RBM42: variants seen among roughly 807,000 people sequenced by gnomAD.
RBM42 encodes the protein RNA binding motif protein 42.
A neutral mutation model predicts 41.4 loss-of-function variants in RBM42; 21 were observed. The observed-to-expected ratio is 0.51, with a 90% confidence interval of 0.36 to 0.73. The LOEUF is 0.73. Among genes scored for constraint, RBM42 ranks in the 30% least tolerant of loss-of-function variants. The pLI is 0.00. For synonymous variants in RBM42, 272 were observed against 271.2 expected (o/e 1.00, Z -0.03); for missense variants, 539 against 680.4 (o/e 0.79, Z 2.31).
rs377549426 is a variant in RBM42 at position 35,634,194 on chromosome 19, A to G, written c.1018-62A>G. Reference sequence around the variant, plus strand: ...TACTGTGGTGGCAGGAGGGCCGGGGACCAAAGGACAGTGGGAGACCCCAAT... The same window carrying G: ...TACTGTGGTGGCAGGAGGGCCGGGGGCCAAAGGACAGTGGGAGACCCCAAT... On this transcript the variant is annotated intron_variant, in intron 7 of 9. Transcript: ENST00000262633. The G allele has an allele frequency of 2.1e-3, 3,353 of 1,583,724 alleles. 39 individuals are homozygous for G. The highest frequency in any genetic ancestry group is 0.016 in the South Asian group (1,459 of 89,036).
intron 2 of RBM42, among the ~76,000 whole-genome samples, chr19:35,629,887 C>A (rs1967375090): frequency 6.6e-6 from 1 of 152,310 alleles, no homozygotes; most frequent in South Asian, 2.1e-4. Flanking sequence ...GTAGAGCTTT[C>A]TGCAATGACG....
At chr19:35,629,963 G>T (rs1967376204) in intron 2 of RBM42, among the ~76,000 whole-genome samples, 1 of 152,186 alleles carries the variant, frequency 6.6e-6, no homozygotes, top group Admixed American at 6.5e-5. Flanking sequence ...CACATTTCAA[G>T]TGCTCAGTAG....
At position 35,633,401 on chromosome 19, in the gene RBM42, C is replaced by T. The variant is rs1417164002; in HGVS notation, c.684+149C>T. The stretch of plus-strand genomic sequence containing the variant: ...CTGCCTTTGTCTCTGTCTCTTTCTG[C>T]ATCTTTCTGTGGCAAAATCTGTTCT... On this transcript the variant is annotated intron_variant, in intron 6 of 9. Transcript: ENST00000262633. The T allele has an allele frequency of 1.3e-5, 10 of 748,464 alleles. No individual in the cohort carries two copies. The Admixed American group carries it at 2.7e-4, about 20-fold the overall frequency. The allele number at this position is 748,464 out of a possible 1,614,324, so 46.4% of individuals were successfully genotyped here. A position where few individuals can be genotyped will look rare whatever the true frequency, so the allele number is the denominator to read the frequency against.
chr19:35,636,786 G>A (rs1379729268), intron 8 of RBM42, among the ~76,000 whole-genome samples: 1 of 152,178 alleles, frequency 6.6e-6, no homozygotes, highest in African/African-American at 2.4e-5. Flanking sequence ...CAGAGTTAAG[G>A]GTGTTACTAC....
Position 35,629,646 on chromosome 19 carries a change from A to T in RBM42, c.255A>T (p.Pro85=). The T allele has an allele frequency of 8.7e-6, 14 of 1,614,198 alleles. No individual in the cohort carries two copies. Among genetic ancestry groups the T allele is most frequent in the Non-Finnish European group, 1.2e-5 (14 of 1,180,034 alleles). The change falls in exon 2 of 10, where the codon CCA becomes CCT. Residue 85 remains proline, a synonymous_variant. Transcript: ENST00000262633. ...MQVPAAPVIR[P]IIATNTYQQV... ...TCCCAGCGGCTCCTGTGATCCGCCCAATTATCGCGACCAACACATACCAGC... is the reference window on the plus strand; with the variant it reads ...TCCCAGCGGCTCCTGTGATCCGCCCTATTATCGCGACCAACACATACCAGC...
intron 2 of RBM42, 150 bp from the exon 3 acceptor site, chr19:35,630,990 C>T: frequency 1.5e-6 from 1 of 679,176 alleles, no homozygotes; most frequent in Non-Finnish European, 2.6e-6. Flanking sequence ...TCCAAAAAGC[C>T]TCCCCGAGAA....
Position 35,637,475 on chromosome 19 carries a change from G to C in RBM42, c.1364G>C (p.Arg455Pro). 6.2e-7 allele frequency: 1 copy of C among 1,614,230 alleles called. No homozygotes were observed. The highest frequency in any genetic ancestry group is 8.5e-7 in the Non-Finnish European group (1 of 1,180,042). ...KYVGSRPIKL[R>P]KSMWKDRNLD... ...GTGGGCTCGCGCCCCATCAAGCTTC[G>C]CAAGAGCATGTGGAAGGACCGGAAT... is the stretch of plus-strand genomic sequence containing the variant. Residue 455 changes from arginine to proline, a missense_variant, in exon 10 of 10, where the codon CGC becomes CCC. By Grantham distance (103) the Arg-to-Pro change is moderately radical. Coordinates refer to ENST00000262633, the MANE Select transcript of RBM42 (RefSeq NM_024321.5). The surrounding 1 kb of genome is among the most constrained non-coding windows in gnomAD (Gnocchi z 7.0).
In RBM42 at chr19:35,633,675, T is replaced by C; in HGVS notation, c.685-12T>C. ...TGAGCCGGCCCCCCTCATGCTCTCC[T>C]CTTACCCACAGGAAGAGCCAGCAGC... On this transcript the variant is annotated splice_polypyrimidine_tract_variant and intron_variant, in intron 6 of 9. Coordinates refer to ENST00000262633, the MANE Select transcript of RBM42 (RefSeq NM_024321.5). The C allele has an allele frequency of 6.9e-7, 1 of 1,439,286 alleles. No individual in the cohort carries two copies. Among genetic ancestry groups the C allele is most frequent in the Non-Finnish European group, 9.1e-7 (1 of 1,098,680 alleles). 89.2% of individuals were successfully genotyped at this position (1,439,286 alleles called of 1,614,324 possible). A position where few individuals can be genotyped will look rare whatever the true frequency, so the allele number is the denominator to read the frequency against.
intron 8 of RBM42, among the ~76,000 whole-genome samples, chr19:35,635,849 T>C (rs1308116886): frequency 6.6e-6 from 1 of 152,156 alleles, no homozygotes; most frequent in East Asian, 1.9e-4. Context: ...AACGGTCTCT[T>C]TCCTGCCTCT....
In RBM42 at chr19:35,632,962, C is replaced by A; in HGVS notation, c.469C>A (p.Leu157Met). 1 of 1,606,538 alleles carries A rather than the reference C, an allele frequency of 6.2e-7. No homozygotes were observed. Among genetic ancestry groups the A allele is most frequent in the Non-Finnish European group, 8.5e-7 (1 of 1,173,820 alleles). The change falls in exon 5 of 10, where the codon CTG (leucine) becomes ATG (methionine). Residue 157 changes from leucine to methionine, a missense_variant. By Grantham distance (15) the Leu-to-Met change is conservative (BLOSUM62 2). Coordinates refer to ENST00000262633, the MANE Select transcript of RBM42 (RefSeq NM_024321.5). ...AAVAPQRAPI[L>M]RPAFVPHVLQ... ...TGTGGCCCCCCAGAGGGCCCCTATC[C>A]TGCGTCCAGCCTTCGTCCCCCACGT...
Position 35,637,116 on chromosome 19 carries a change from A to G in RBM42, c.1136-42A>G. The G allele has an allele frequency of 6.4e-7, 1 of 1,554,360 alleles. No homozygotes were observed. The highest frequency in any genetic ancestry group is 1.9e-5 in the Admixed American group (1 of 53,378). ...GTTCAGACAAGGTAGACACTGGGCA[A>G]GGCCTCTGCATCCTCTGATGTCATC... On this transcript the variant is annotated intron_variant, in intron 8 of 9. Coordinates refer to ENST00000262633, the MANE Select transcript of RBM42 (RefSeq NM_024321.5). This position sits in a 1 kb window ranked among gnomAD's most constrained non-coding sequence, Gnocchi z 7.0.
Position 35,637,338 on chromosome 19 carries a change from T to C in RBM42, c.1316T>C (p.Met439Thr). The C allele has an allele frequency of 1.2e-6, 2 of 1,614,196 alleles. No homozygotes were observed. Among genetic ancestry groups the C allele is most frequent in the South Asian group, 1.1e-5 (1 of 91,084 alleles). The change falls in exon 9 of 10, where the codon ATG becomes ACG. Residue 439 changes from methionine to threonine, a missense_variant. Around this residue, in one of 2 missense-constraint regions of RBM42, gnomAD observed 110 missense variants for 191.5 expected, o/e 0.57. Transcript: ENST00000262633. The surrounding 1 kb of genome is among the most constrained non-coding windows in gnomAD (Gnocchi z 7.0). The part of the protein sequence containing the change: ...FKDPSDYVRA[M>T]REMNGKYVGS... ...GACCCCAGCGACTACGTGCGCGCCATGCGTGAGATGAATGGTGGGTGCGGC... is the reference window on the plus strand; with the variant it reads ...GACCCCAGCGACTACGTGCGCGCCACGCGTGAGATGAATGGTGGGTGCGGC...
intron 4 of RBM42, 87 bp downstream of exon 4, chr19:35,631,492 T>G (rs1021560946): frequency 7.8e-7 from 1 of 1,289,252 alleles, no homozygotes; most frequent in Non-Finnish European, 1.1e-6. Context: ...TTGCTCTAAA[T>G]TACCCTTTGC....
intron 2 of RBM42, among the ~76,000 whole-genome samples, chr19:35,630,224 G>C (rs1349782749): frequency 6.6e-6 from 1 of 151,378 alleles, no homozygotes; most frequent in Non-Finnish European, 1.5e-5. Context: ...TGAGGCAGGA[G>C]AATCGCTTGA....
At chr19:35,636,180 A>T in intron 8 of RBM42, among the ~76,000 whole-genome samples, 3 of 145,658 alleles carry the variant, frequency 2.1e-5, no homozygotes, top group African/African-American at 2.6e-5. Context: ...TTTTTTTGAG[A>T]CAGAGTCTCG....
At chr19:35,631,529 C>A in intron 4 of RBM42, 124 bp downstream of exon 4, 1 of 913,436 alleles carries the variant, frequency 1.1e-6, no homozygotes, top group Non-Finnish European at 1.7e-6. Context: ...ATGTTGTCAT[C>A]CTAAAGCACG....
Position 35,637,391 on chromosome 19 carries a change from G to A in RBM42, c.1330+39G>A. 6.2e-7 allele frequency: 1 copy of A among 1,613,384 alleles called. No individual in the cohort carries two copies. The highest frequency in any genetic ancestry group is 8.5e-7 in the Non-Finnish European group (1 of 1,179,504). The stretch of plus-strand genomic sequence containing the variant: ...CCCCTGGGAACTGCAGGCGCGGCAG[G>A]CGCTGGCCTAAGCCTGACCCGAGCC... On this transcript the variant is annotated intron_variant, in intron 9 of 9. Transcript: ENST00000262633. This position sits in a 1 kb window ranked among gnomAD's most constrained non-coding sequence, Gnocchi z 7.0.
chr19:35,629,663 C>G lies in RBM42; in HGVS notation c.272C>G (p.Thr91Arg), dbSNP rs1362920006. ...ATCCGCCCAATTATCGCGACCAACA[C>G]ATACCAGCAGGTACGGCTGAGCTAA... Reference protein sequence around the residue: ...PVIRPIIATNTYQQVQQTLEA... With the variant: ...PVIRPIIATNRYQQVQQTLEA... Residue 91 changes from threonine (T) to arginine (R), a missense_variant, in exon 2 of 10, where the codon ACA (threonine) becomes AGA (arginine). Around this residue, in one of 2 missense-constraint regions of RBM42, gnomAD observed 429 missense variants for 488.9 expected, o/e 0.88. Coordinates refer to ENST00000262633, the MANE Select transcript of RBM42 (RefSeq NM_024321.5). The G allele has an allele frequency of 6.2e-7, 1 of 1,614,206 alleles. No individual in the cohort carries two copies.
Position 35,637,301 on chromosome 19 carries a change from G to A in RBM42, c.1279G>A (p.Val427Ile), listed in dbSNP as rs200606521. ...AGGCAAGACCAAGGGCTACGGCTTC[G>A]TCAGCTTCAAGGACCCCAGCGACTA... ...RTGKTKGYGF[V>I]SFKDPSDYVR... The change falls in exon 9 of 10, where the codon GTC becomes ATC. Residue 427 changes from valine (V) to isoleucine (I), a missense_variant. This residue lies in a region of RBM42 where 110 missense variants were observed against 191.5 expected (regional missense o/e 0.57). Transcript: ENST00000262633. The surrounding 1 kb of genome is among the most constrained non-coding windows in gnomAD (Gnocchi z 7.0). The A allele has an allele frequency of 2.7e-5, 44 of 1,614,200 alleles. No individual in the cohort carries two copies. The highest frequency in any genetic ancestry group is 2.4e-4 in the South Asian group (22 of 91,086).
Sources: gnomAD v4.1 joint callset for allele counts (sites outside exome capture counted in the v4.1 genomes callset) on GRCh38, gnomAD v4.1.1 for gene constraint, gnomAD v4.1.1 regional missense constraint, Gnocchi (gnomAD v3.1) non-coding constraint, MANE v1.5 for transcripts, NCBI Gene and HGNC (gene_info 2026-07-23, HGNC 2026-07-21) for gene names.